The following PDE1A variants were observed in gnomAD, a reference collection of about 807,000 sequenced individuals.
PDE1A encodes the protein phosphodiesterase 1A, also known as dual specificity calcium/calmodulin-dependent 3',5'-cyclic nucleotide phosphodiesterase 1A.
A neutral mutation model predicts 61.7 loss-of-function variants in PDE1A; 35 were observed. The observed-to-expected ratio is 0.57, with a 90% CI of 0.43 to 0.75. PDE1A has a LOEUF of 0.75. Among genes scored for constraint, PDE1A ranks in the 30% least tolerant of loss-of-function variants. The pLI is 0.00. For missense variants in PDE1A, 597 were observed against 630.6 expected (o/e 0.95, Z 0.57); for synonymous variants, 232 against 213.2 (o/e 1.09, Z -0.77).
At chr2:182,649,634 G>C in the PDE1A span, among the ~76,000 whole-genome samples, 2 of 151,304 alleles carry the variant, frequency 1.3e-5, no homozygotes, top group Non-Finnish European at 2.9e-5. Flanking sequence ...AAATTGAGAT[G>C]GAGTCTCGCT....
intron 1 of PDE1A, among the ~76,000 whole-genome samples, chr2:182,380,559 C>A (rs1574497909): frequency 1.3e-5 from 2 of 152,150 alleles, no homozygotes; most frequent in East Asian, 3.8e-4. Flanking sequence ...CAAATAAAAA[C>A]AATTTAAAAT....
intron 1 of PDE1A, among the ~76,000 whole-genome samples, chr2:182,392,399 C>T (rs1701472856): frequency 6.6e-6 from 1 of 152,160 alleles, no homozygotes; most frequent in Non-Finnish European, 1.5e-5. Flanking sequence ...CACCACGTCC[C>T]TCCCACAACA....
chr2:182,273,922 C>T (rs1000299719), intron 1 of PDE1A, among the ~76,000 whole-genome samples: 2 of 152,036 alleles, frequency 1.3e-5, no homozygotes, highest in Non-Finnish European at 2.9e-5. Context: ...ATACCATGTA[C>T]TGGGTGGCTT....
chr2:182,598,004 T>C, the PDE1A span, among the ~76,000 whole-genome samples: 5 of 152,210 alleles, frequency 3.3e-5, no homozygotes, highest in African/African-American at 4.8e-5. Context: ...TAAAGAAATG[T>C]GAAATTTAAG....
At chr2:182,507,506 G>A (rs1305930876) in intron 2 of PDE1A, among the ~76,000 whole-genome samples, 2 of 152,074 alleles carry the variant, frequency 1.3e-5, no homozygotes, top group East Asian at 3.9e-4. Context: ...GGGTTCCAGA[G>A]AGCTTAAACT....
chr2:182,552,444 T>G, the PDE1A span, among the ~76,000 whole-genome samples: 36 of 146,106 alleles, frequency 2.5e-4, 1 homozygote, highest in Non-Finnish European at 3.8e-4. Flanking sequence ...ACAAAGTTTT[T>G]TTTTTTTTTT....
intron 1 of PDE1A, among the ~76,000 whole-genome samples, chr2:182,424,870 C>T (rs1202490697): frequency 6.6e-6 from 1 of 152,118 alleles, no homozygotes; most frequent in Non-Finnish European, 1.5e-5. Context: ...CATTTCTAGA[C>T]CTACTTGTAA....
At chr2:182,531,363 A>G in the PDE1A span, among the ~76,000 whole-genome samples, 2 of 128,270 alleles carry the variant, frequency 1.6e-5, no homozygotes, top group African/African-American at 6.0e-5. Flanking sequence ...AAATGGATTA[A>G]AAGTAAAAAG....
chr2:182,374,192 T>C (rs10931008), intron 1 of PDE1A, among the ~76,000 whole-genome samples: 52,199 of 151,976 alleles, frequency 0.34, 9,224 homozygotes, highest in East Asian at 0.51. Flanking sequence ...ATATGTACAT[T>C]CATGGGTCAA....
intron 2 of PDE1A, among the ~76,000 whole-genome samples, chr2:182,467,610 A>C (rs1686756440): frequency 6.6e-6 from 1 of 151,960 alleles, no homozygotes; most frequent in Non-Finnish European, 1.5e-5. Context: ...AGAGAACTGC[A>C]GACCAATACC....
intron 13 of PDE1A, among the ~76,000 whole-genome samples, chr2:182,147,610 T>C (rs1690563395): frequency 6.6e-6 from 1 of 152,112 alleles, no homozygotes; most frequent in South Asian, 2.1e-4. Flanking sequence ...GACAAACTAG[T>C]CTTGGAATCA....
At chr2:182,320,023 T>C (rs938408366) in intron 1 of PDE1A, among the ~76,000 whole-genome samples, 1 of 152,292 alleles carries the variant, frequency 6.6e-6, no homozygotes, top group Non-Finnish European at 1.5e-5. Context: ...GTTGCCTATA[T>C]TCAGTGTCTT....
At chr2:182,173,817 T>C (rs1304736089) in intron 13 of PDE1A, among the ~76,000 whole-genome samples, 1 of 151,988 alleles carries the variant, frequency 6.6e-6, no homozygotes, top group Non-Finnish European at 1.5e-5. Context: ...GTGCTTTACA[T>C]GAAGGGTTTT....
the PDE1A span, among the ~76,000 whole-genome samples, chr2:182,597,539 T>C: frequency 6.6e-6 from 1 of 151,820 alleles, no homozygotes; most frequent in Non-Finnish European, 1.5e-5. Flanking sequence ...CTGAGAGGTG[T>C]GGGGGAAAGG....
At chr2:182,400,212 T>C (rs1250628570) in intron 1 of PDE1A, among the ~76,000 whole-genome samples, 1 of 152,106 alleles carries the variant, frequency 6.6e-6, no homozygotes, top group African/African-American at 2.4e-5. Context: ...TTTCCCATGA[T>C]AAAAGAAGGT....
chr2:182,327,370 A>C (rs1026020206), intron 1 of PDE1A, among the ~76,000 whole-genome samples: 1 of 152,232 alleles, frequency 6.6e-6, no homozygotes, highest in Non-Finnish European at 1.5e-5. Context: ...CCAGGCAGAG[A>C]AAAATTTATT....
chr2:182,229,452 T>C (rs1225314028), intron 6 of PDE1A, among the ~76,000 whole-genome samples: 1 of 152,138 alleles, frequency 6.6e-6, no homozygotes, highest in Non-Finnish European at 1.5e-5. Flanking sequence ...GTTCCTGTCA[T>C]ACACTCACTG....
chr2:182,471,429 T>C (rs1257059325), intron 2 of PDE1A, among the ~76,000 whole-genome samples: 1 of 151,716 alleles, frequency 6.6e-6, no homozygotes, highest in Non-Finnish European at 1.5e-5. Flanking sequence ...TAAAGCAAAA[T>C]ACAGAAGTCT....
At chr2:182,496,732 T>C (rs1015870544) in intron 2 of PDE1A, among the ~76,000 whole-genome samples, 1 of 152,252 alleles carries the variant, frequency 6.6e-6, no homozygotes. Context: ...ACTGGCTCCA[T>C]AGGTATCTAG....
Sources: allele counts gnomAD v4.1 joint callset (sites outside exome capture counted in the v4.1 genomes callset), GRCh38; gene constraint gnomAD v4.1.1; transcripts MANE v1.5; gene names NCBI Gene and HGNC (gene_info 2026-07-23, HGNC 2026-07-21).